The following TWSG1 variants were observed in gnomAD, a reference collection of about 807,000 sequenced individuals.
The protein encoded by TWSG1 is twisted gastrulation BMP signaling modulator 1.
A neutral mutation model predicts 23.0 loss-of-function variants in TWSG1; 15 were observed. The observed-to-expected ratio is 0.65, with a 90% CI of 0.44 to 1.00. The LOEUF (loss-of-function observed/expected upper bound fraction) is 1.00, where lower values mean the gene tolerates loss of function less well. TWSG1 is among the 50% of genes least tolerant of loss of function. TWSG1 has a pLI of 0.00. For missense variants in TWSG1, 242 were observed against 278.7 expected, an observed-to-expected ratio of 0.87 and a Z score of 0.94; for synonymous variants, 86 against 92.8, an observed-to-expected ratio of 0.93 and a Z score of 0.42.
intron 3 of TWSG1, among the ~76,000 whole-genome samples, chr18:9,366,204 C>T (rs2040578016): frequency 6.6e-6 from 1 of 152,164 alleles, no homozygotes; most frequent in Admixed American, 6.6e-5. Flanking sequence ...AAATTGGAAG[C>T]ATCATAAGCT....
intron 4 of TWSG1, among the ~76,000 whole-genome samples, chr18:9,398,962 C>T (rs2145639019): frequency 6.6e-6 from 1 of 151,670 alleles, no homozygotes; most frequent in Admixed American, 6.6e-5. Context: ...GAGCCAAGAT[C>T]ACACCACTGC....
rs1260688427 is a variant in TWSG1, at chr18:9,399,931, C to T, written c.*404C>T. On this transcript the variant is annotated 3_prime_UTR_variant, in exon 5 of 5. Transcript: ENST00000262120. Reference sequence around the variant, plus strand: ...ATTTCTTCATGTGCTACTGTTAGCACACTGAGTTTTTATAGTTGCACATCA... The same window carrying T: ...ATTTCTTCATGTGCTACTGTTAGCATACTGAGTTTTTATAGTTGCACATCA... 6.4e-6 allele frequency: 1 copy of T among 155,616 alleles called. No homozygotes were observed. Among genetic ancestry groups the T allele is most frequent in the Non-Finnish European group, 1.4e-5 (1 of 70,264 alleles). The allele number at this position is 155,616 out of a possible 1,614,324, so 9.6% of individuals were successfully genotyped here.
Position 9,340,228 on chromosome 18 carries a change from C to T in TWSG1, c.123+2876C>T, listed in dbSNP as rs905274252. Among the ~76,000 whole-genome samples, 39 of 151,678 alleles carry T rather than the reference C, an allele frequency of 2.6e-4. 1 individual carries two copies. Among genetic ancestry groups the T allele is most frequent in the Admixed American group, 2.2e-3 (33 of 15,244 alleles). The stretch of plus-strand genomic sequence containing the variant: ...CTAAAAATACGAAAAATTAGCCAGG[C>T]GTGGTGATGGGCGCCTGTAGTCCCA... On this transcript the variant is annotated intron_variant, in intron 2 of 4. Coordinates refer to ENST00000262120, the MANE Select transcript of TWSG1 (RefSeq NM_020648.6).
intron 4 of TWSG1, among the ~76,000 whole-genome samples, chr18:9,398,402 TAG>T (rs2040747656): frequency 6.6e-6 from 1 of 152,208 alleles, no homozygotes; most frequent in Non-Finnish European, 1.5e-5. Context: ...TTCCCCCAGA[TAG>T]AGTCAGTCTC....
chr18:9,353,092 A>T (rs912307863), intron 2 of TWSG1, among the ~76,000 whole-genome samples: 1 of 152,192 alleles, frequency 6.6e-6, no homozygotes, highest in African/African-American at 2.4e-5. Context: ...GAACAGTAAC[A>T]TGCTGTACAG....
chr18:9,390,172 T>TTC (rs1471071615), intron 3 of TWSG1, among the ~76,000 whole-genome samples: 23 of 66,290 alleles, frequency 3.5e-4, no homozygotes, highest in South Asian at 4.9e-4. Context: ...TCTTCTTCTT[T>TTC]TTTTTTGAGA....
chr18:9,382,387 G>C, intron 3 of TWSG1, among the ~76,000 whole-genome samples: 2 of 152,174 alleles, frequency 1.3e-5, no homozygotes, highest in Non-Finnish European at 2.9e-5. Context: ...GCTAGGTGTG[G>C]TGGCGCATGC....
intron 2 of TWSG1, 61 bp from the exon 3 acceptor site, chr18:9,359,911 A>T (rs1291610239): frequency 1.3e-5 from 18 of 1,383,414 alleles, no homozygotes; most frequent in Non-Finnish European, 1.8e-5. Flanking sequence ...TTTGCTTAAA[A>T]AGTAGCAGTT....
chr18:9,398,239 A>G (rs949428842), intron 4 of TWSG1, among the ~76,000 whole-genome samples: 10 of 151,844 alleles, frequency 6.6e-5, no homozygotes, highest in Admixed American at 2.0e-4. Context: ...GTAAGTAATC[A>G]ACATAACAGA....
intron 1 of TWSG1, 54 bp from the exon 2 acceptor site, chr18:9,337,138 AT>A (rs2040426764): frequency 3.5e-6 from 5 of 1,424,612 alleles, no homozygotes; most frequent in Non-Finnish European, 3.8e-6. Flanking sequence ...TCATTTTTAT[AT>A]TTGTTTTTAC....
intron 3 of TWSG1, among the ~76,000 whole-genome samples, chr18:9,363,525 AT>A (rs1441055645): frequency 6.6e-6 from 1 of 152,212 alleles, no homozygotes; most frequent in Non-Finnish European, 1.5e-5. Context: ...TTTCACTATT[AT>A]CCGTGAAGTC....
intron 3 of TWSG1, among the ~76,000 whole-genome samples, chr18:9,370,542 G>A (rs1025147020): frequency 6.6e-6 from 1 of 152,096 alleles, no homozygotes; most frequent in Non-Finnish European, 1.5e-5. Context: ...GTTTGGTCTA[G>A]ATGTTTGCAA....
intron 2 of TWSG1, among the ~76,000 whole-genome samples, chr18:9,358,665 A>C (rs2040538330): frequency 6.6e-6 from 1 of 152,158 alleles, no homozygotes; most frequent in South Asian, 2.1e-4. Flanking sequence ...AAAACTTTAT[A>C]AGATTAGGAC....
chr18:9,374,233 T>A (rs1358907406), intron 3 of TWSG1, among the ~76,000 whole-genome samples: 1 of 151,662 alleles, frequency 6.6e-6, no homozygotes, highest in Non-Finnish European at 1.5e-5. Flanking sequence ...AAATCAATAA[T>A]CAACGAAATC....
chr18:9,388,046 C>A (rs1431180225), intron 3 of TWSG1: 1 of 152,070 alleles, frequency 6.6e-6, no homozygotes, highest in Non-Finnish European at 1.5e-5. Flanking sequence ...CCAGATTGAC[C>A]CTCCTTTCAT....
chr18:9,378,069 G>A lies in TWSG1; in HGVS notation c.223+17998G>A, dbSNP rs149647614. 2.8e-3 allele frequency among the ~76,000 whole-genome samples: 432 copies of A among 152,268 alleles called. 2 individuals are homozygous for A. Among genetic ancestry groups the A allele is most frequent in the African/African-American group, 1.0e-2 (415 of 41,546 alleles). ...ACATGAAAGAAAGAACTGATAAGCC[G>A]AATTTCATTAAAATTAAAAATTTCT... On this transcript the variant is annotated intron_variant, in intron 3 of 4. Coordinates refer to ENST00000262120, the MANE Select transcript of TWSG1 (RefSeq NM_020648.6).
chr18:9,388,165 C>G (rs1259417165), intron 3 of TWSG1: 1 of 152,076 alleles, frequency 6.6e-6, no homozygotes, highest in Admixed American at 6.6e-5. Context: ...GTTCCTCTGC[C>G]CCTCTGTATT....
At chr18:9,379,652 CT>C (rs1355922191) in intron 3 of TWSG1, among the ~76,000 whole-genome samples, 3 of 152,038 alleles carry the variant, frequency 2.0e-5, no homozygotes, top group Non-Finnish European at 4.4e-5. Flanking sequence ...ACAAGTACCC[CT>C]GAACTTAAAA....
intron 2 of TWSG1, among the ~76,000 whole-genome samples, chr18:9,350,199 C>T (rs1347035416): frequency 6.6e-6 from 1 of 151,816 alleles, no homozygotes; most frequent in Non-Finnish European, 1.5e-5. Flanking sequence ...CAGTTAACAC[C>T]CCATGAAAAT....
Sources: gnomAD v4.1 joint callset for allele counts (sites outside exome capture counted in the v4.1 genomes callset) on GRCh38, gnomAD v4.1.1 for gene constraint, MANE v1.5 for transcripts, NCBI Gene and HGNC (gene_info 2026-07-23, HGNC 2026-07-21) for gene names.